The following AGXT2 variants were observed in gnomAD, a reference collection of about 807,000 sequenced individuals.
AGXT2 encodes the protein alanine--glyoxylate aminotransferase 2.
A neutral mutation model predicts 62.5 loss-of-function variants in AGXT2; 61 were observed. The observed-to-expected ratio is 0.98, with a 90% CI of 0.79 to 1.21. AGXT2 has a LOEUF of 1.21. AGXT2 is among the 50% of genes most tolerant of loss of function. The probability of loss-of-function intolerance (pLI) is 0.00; values close to 1 mark genes in which losing one functional copy is unlikely to be tolerated. For synonymous variants in AGXT2, 243 were observed against 218.7 expected (o/e 1.11, Z -0.98); for missense variants, 666 against 641.5 (o/e 1.04, Z -0.41).
chr5:35,037,213 C>A, intron 3 of AGXT2, 148 bp from the exon 4 acceptor site: 1 of 1,183,718 alleles, frequency 8.4e-7, no homozygotes, highest in Non-Finnish European at 1.2e-6. Context: ...CTCCTTTAAC[C>A]ACTAGAGGTG....
In AGXT2 at chr5:35,039,446, T is replaced by C; in HGVS notation, c.240A>G (p.Ala80=). Residue 80 remains alanine, a synonymous_variant, in exon 3 of 14, where the codon GCA becomes GCG. Coordinates refer to ENST00000231420, the MANE Select transcript of AGXT2 (RefSeq NM_031900.4). The part of the protein sequence containing the change: ...HKEHLSPVVT[A]YFQKPLLLHQ... ...GGAGCAGCAGGGGTTTCTGGAAATA[T>C]GCCGTCACCACAGGAGAAAGATGTT... is the stretch of plus-strand genomic sequence containing the variant. 6.2e-7 allele frequency: 1 copy of C among 1,614,126 alleles called. No individual in the cohort carries two copies. The highest frequency in any genetic ancestry group is 1.1e-5 in the South Asian group (1 of 91,076).
At chr5:35,047,633 A>G (rs1768295219) in intron 1 of AGXT2, among the ~76,000 whole-genome samples, 172 bp downstream of exon 1, 1 of 45,674 alleles carries the variant, frequency 2.2e-5, no homozygotes, top group African/African-American at 5.0e-5. Context: ...AATATTGGCT[A>G]TGAAAATGGG....
At chr5:35,038,763 G>A (rs957953843) in intron 3 of AGXT2, among the ~76,000 whole-genome samples, 2 of 152,164 alleles carry the variant, frequency 1.3e-5, no homozygotes, top group African/African-American at 2.4e-5. Context: ...AACCAAGAAC[G>A]CTCCAAGGGT....
At chr5:35,024,540 G>A (rs1396373191) in intron 9 of AGXT2, among the ~76,000 whole-genome samples, 2 of 152,236 alleles carry the variant, frequency 1.3e-5, no homozygotes, top group Admixed American at 6.5e-5. Context: ...GCCCTTGGGA[G>A]TAGTGTGCTT....
intron 12 of AGXT2, among the ~76,000 whole-genome samples, chr5:35,006,601 C>T (rs921060275): frequency 2.0e-5 from 3 of 152,180 alleles, no homozygotes; most frequent in Non-Finnish European, 4.4e-5. Flanking sequence ...CCCCCATGAT[C>T]CAAATACCTC....
At chr5:35,003,655 C>T (rs1167528831) in intron 13 of AGXT2, 108 bp downstream of exon 13, 6 of 1,107,280 alleles carry the variant, frequency 5.4e-6, no homozygotes, top group Non-Finnish European at 8.3e-6. Flanking sequence ...GTAAAAACTG[C>T]AACCAGCATT....
In AGXT2 at chr5:35,006,052, G is replaced by A. The variant is rs142195274; in HGVS notation, c.1339-2191C>T. ...AAAATAAGTCATTTAATAACGTTTG[G>A]CAATTTCCTTTTAATAATATATGGT... On this transcript the variant is annotated intron_variant, in intron 12 of 13. Coordinates refer to ENST00000231420, the MANE Select transcript of AGXT2 (RefSeq NM_031900.4). Among the ~76,000 whole-genome samples, 559 of 152,070 alleles carry A rather than the reference G, an allele frequency of 3.7e-3. 6 individuals are homozygous for A. The highest frequency in any genetic ancestry group is 6.8e-3 in the Middle Eastern group (2 of 294).
At chr5:35,005,698 G>A (rs930996795) in intron 12 of AGXT2, among the ~76,000 whole-genome samples, 8 of 151,818 alleles carry the variant, frequency 5.3e-5, no homozygotes, top group African/African-American at 1.9e-4. Flanking sequence ...CTGAAACTCT[G>A]CTGAGGCTTA....
At chr5:35,040,740 A>G (rs1447388219) in intron 1 of AGXT2, 77 bp from the exon 2 acceptor site, 1 of 1,067,744 alleles carries the variant, frequency 9.4e-7, no homozygotes, top group African/African-American at 1.6e-5. Flanking sequence ...TAGTTATCCA[A>G]ATAAAACTGC....
At chr5:35,033,247 C>T (rs764838841) in intron 6 of AGXT2, 2 of 560,396 alleles carry the variant, frequency 3.6e-6, no homozygotes, top group Non-Finnish European at 3.2e-6. Context: ...AAGCAAAATA[C>T]ATTTTAAAAC....
At chr5:35,024,222 T>C (rs892813551) in intron 9 of AGXT2, among the ~76,000 whole-genome samples, 2 of 152,050 alleles carry the variant, frequency 1.3e-5, no homozygotes, top group African/African-American at 4.8e-5. Flanking sequence ...GTTGAGGAAG[T>C]CTATTCCAGC....
intron 9 of AGXT2, among the ~76,000 whole-genome samples, chr5:35,017,798 C>T (rs541058761): frequency 2.6e-5 from 4 of 152,204 alleles, no homozygotes; most frequent in African/African-American, 9.6e-5. Context: ...ACATTCAAAC[C>T]AAAGGCAAAG....
intron 12 of AGXT2, 44 bp from the exon 13 acceptor site, chr5:35,003,905 G>C: frequency 6.3e-7 from 1 of 1,580,590 alleles, no homozygotes; most frequent in Non-Finnish European, 8.7e-7. Flanking sequence ...GTGTTGGAAT[G>C]GTTAAAGGAA....
chr5:35,003,628 T>A lies in AGXT2; in HGVS notation c.1437+135A>T, dbSNP rs910437594. ...CATCCCTAGATGACATGTGGCTGGGTACCTCGGCACAGTTGTGTAAAAACT... is the reference window on the plus strand; with the variant it reads ...CATCCCTAGATGACATGTGGCTGGGAACCTCGGCACAGTTGTGTAAAAACT... On this transcript the variant is annotated intron_variant, in intron 13 of 13. Transcript: ENST00000231420. The A allele has an allele frequency of 1.4e-5, 12 of 832,060 alleles. No homozygotes were observed. In the Admixed American group the frequency reaches 2.0e-4, roughly 14 times the overall value. 51.5% of individuals were successfully genotyped at this position (832,060 alleles called of 1,614,324 possible). A position where few individuals can be genotyped will look rare whatever the true frequency, so the allele number is the denominator to read the frequency against.
intron 3 of AGXT2, among the ~76,000 whole-genome samples, chr5:35,037,692 T>G (rs1767833097): frequency 6.6e-6 from 1 of 152,154 alleles, no homozygotes. Flanking sequence ...GCTGGGACTA[T>G]AGGTGCATGC....
intron 8 of AGXT2, 65 bp from the exon 9 acceptor site, chr5:35,025,920 A>G (rs1767325599): frequency 9.3e-6 from 13 of 1,392,884 alleles, no homozygotes; most frequent in African/African-American, 1.4e-5. Flanking sequence ...TATATAAAAA[A>G]GTTAGATCAT....
chr5:35,018,536 C>T (rs1766939402), intron 9 of AGXT2, among the ~76,000 whole-genome samples: 1 of 151,910 alleles, frequency 6.6e-6, no homozygotes, highest in Admixed American at 6.6e-5. Context: ...GAGATTTTGT[C>T]ACCACCAGGC....
chr5:35,025,628 C>A, intron 9 of AGXT2, 135 bp downstream of exon 9: 1 of 857,672 alleles, frequency 1.2e-6, no homozygotes. Context: ...GCACAAATTT[C>A]ATTCATTTGT....
At chr5:35,040,458 A>G in intron 2 of AGXT2, 117 bp downstream of exon 2, 1 of 912,658 alleles carries the variant, frequency 1.1e-6, no homozygotes, top group Non-Finnish European at 1.8e-6. Flanking sequence ...CAATATCTGG[A>G]ATGAGGTAGT....
Sources: allele counts gnomAD v4.1 joint callset (sites outside exome capture counted in the v4.1 genomes callset), GRCh38; gene constraint gnomAD v4.1.1; transcripts MANE v1.5; gene names NCBI Gene and HGNC (gene_info 2026-07-23, HGNC 2026-07-21).